The following TBXAS1 variants were observed in gnomAD, a reference collection of about 807,000 sequenced individuals.
The protein encoded by TBXAS1 is thromboxane-A synthase.
TBXAS1 carries 48 observed loss-of-function variants against 60.7 expected under a neutral mutation model. The observed-to-expected ratio is 0.79, with a 90% CI of 0.63 to 1.01. TBXAS1 has a LOEUF of 1.01. Among genes scored for constraint, TBXAS1 ranks in the 50% least tolerant of loss-of-function variants. The probability of loss-of-function intolerance (pLI) is 0.00; values close to 1 mark genes in which losing one functional copy is unlikely to be tolerated. For missense variants in TBXAS1, 685 were observed against 686.3 expected, an observed-to-expected ratio of 1.00 and a Z score of 0.02; for synonymous variants, 287 against 269.7, an observed-to-expected ratio of 1.06 and a Z score of -0.63.
intron 9 of TBXAS1, among the ~76,000 whole-genome samples, chr7:140,006,818 T>C (rs1235531416): frequency 6.6e-6 from 1 of 152,210 alleles, no homozygotes; most frequent in Non-Finnish European, 1.5e-5. Flanking sequence ...CAATAAATGC[T>C]GGCGGCTGTG....
At chr7:139,985,148 G>A (rs1181547334) in intron 9 of TBXAS1, among the ~76,000 whole-genome samples, 1 of 152,218 alleles carries the variant, frequency 6.6e-6, no homozygotes, top group East Asian at 1.9e-4. Flanking sequence ...CCAGACCAGT[G>A]TCCTCCAATT....
chr7:139,873,157 G>T (rs1355526628), intron 2 of TBXAS1, among the ~76,000 whole-genome samples: 1 of 152,192 alleles, frequency 6.6e-6, no homozygotes, highest in Non-Finnish European at 1.5e-5. Context: ...CACACCAGGT[G>T]GGTGGCACTA....
Position 140,004,977 on chromosome 7 carries a change from G to A in TBXAS1, c.1135-2114G>A, listed in dbSNP as rs1342549821. Among the ~76,000 whole-genome samples, 1 of 152,188 alleles carries A rather than the reference G, an allele frequency of 6.6e-6. No homozygotes were observed. The highest frequency in any genetic ancestry group is 1.5e-5 in the Non-Finnish European group (1 of 68,038). ...CCCTATCCTGGCCCTCTCTGTGCCT[G>A]TACCCAGGACCCTGTGAAGTGTGGA... On this transcript the variant is annotated intron_variant, in intron 9 of 12. Transcript: ENST00000448866. The surrounding 1 kb of genome is among the most constrained non-coding windows in gnomAD (Gnocchi z 5.1).
rs569970176 is a variant in TBXAS1, at chr7:139,999,262, C to T, written c.1135-7829C>T. Among the ~76,000 whole-genome samples the T allele has an allele frequency of 2.2e-4, 34 of 152,356 alleles. No individual in the cohort carries two copies. Among genetic ancestry groups the T allele is most frequent in the Middle Eastern group, 3.4e-3 (1 of 294 alleles). ...AGGGCTGGCCGGGCGCCATGGCTTA[C>T]GCCTATAATCCCAGCACTTTGGGAG... On this transcript the variant is annotated intron_variant, in intron 9 of 12. Transcript: ENST00000448866. This position sits in a 1 kb window ranked among gnomAD's most constrained non-coding sequence, Gnocchi z 4.3.
At chr7:139,798,241 C>T (rs568380143) in intron 4 of TBXAS1, among the ~76,000 whole-genome samples, 49 of 151,928 alleles carry the variant, frequency 3.2e-4, no homozygotes, top group African/African-American at 1.1e-3. Flanking sequence ...AAGAAAGAAG[C>T]CGGTGAAGCA....
chr7:139,929,584 T>C (rs973218263), intron 4 of TBXAS1, among the ~76,000 whole-genome samples: 5 of 152,222 alleles, frequency 3.3e-5, no homozygotes, highest in African/African-American at 7.2e-5. Context: ...CATACTGACA[T>C]ATTGATTCTT....
intron 12 of TBXAS1, 21 bp downstream of exon 12, chr7:140,017,854 G>A: frequency 6.2e-7 from 1 of 1,613,808 alleles, no homozygotes; most frequent in Non-Finnish European, 8.5e-7. Context: ...CCTGCTCAGA[G>A]GCAGGGGCAG....
intron 7 of TBXAS1, among the ~76,000 whole-genome samples, chr7:139,957,321 A>G (rs997693903): frequency 6.6e-6 from 1 of 152,204 alleles, no homozygotes; most frequent in African/African-American, 2.4e-5. Context: ...AAAGACCTTC[A>G]GGTCTCATCC....
intron 4 of TBXAS1, among the ~76,000 whole-genome samples, chr7:139,821,735 A>G (rs12532701): frequency 0.38 from 58,519 of 152,032 alleles, 11,928 homozygotes; most frequent in South Asian, 0.69. Flanking sequence ...GTCTTCTTCC[A>G]CGTCTCAGCC....
At chr7:139,934,553 A>G (rs962915629) in intron 4 of TBXAS1, among the ~76,000 whole-genome samples, 1 of 152,220 alleles carries the variant, frequency 6.6e-6, no homozygotes, top group Admixed American at 6.5e-5. Context: ...TTGCTAGGCT[A>G]CTATACCAAC....
At chr7:139,820,651 G>T (rs193005561) in intron 4 of TBXAS1, among the ~76,000 whole-genome samples, 7 of 152,232 alleles carry the variant, frequency 4.6e-5, no homozygotes, top group African/African-American at 1.7e-4. Flanking sequence ...CCTTTTGGAA[G>T]GAAGTAGTGC....
At chr7:139,836,922 G>A (rs1395332161) in intron 1 of TBXAS1, among the ~76,000 whole-genome samples, 1 of 152,078 alleles carries the variant, frequency 6.6e-6, no homozygotes, top group Non-Finnish European at 1.5e-5. Flanking sequence ...ATCTGACCAA[G>A]GACTCACATT....
chr7:139,933,207 G>A (rs1172652471), intron 4 of TBXAS1, among the ~76,000 whole-genome samples: 1 of 152,180 alleles, frequency 6.6e-6, no homozygotes, highest in African/African-American at 2.4e-5. Context: ...GATATGTGAA[G>A]GCCATGCTGA....
At chr7:139,964,056 T>C (rs146498610) in intron 9 of TBXAS1, among the ~76,000 whole-genome samples, 1 of 152,296 alleles carries the variant, frequency 6.6e-6, no homozygotes, top group Non-Finnish European at 1.5e-5. Flanking sequence ...AGGGTCACTC[T>C]GACGGGAATG....
At chr7:139,851,146 A>G (rs1340240882) in intron 1 of TBXAS1, among the ~76,000 whole-genome samples, 2 of 152,004 alleles carry the variant, frequency 1.3e-5, no homozygotes, top group Non-Finnish European at 2.9e-5. Context: ...TCTTGACCTA[A>G]CTCTTAGCAA....
At chr7:139,977,346 A>T (rs1569521574) in intron 9 of TBXAS1, among the ~76,000 whole-genome samples, 1 of 152,106 alleles carries the variant, frequency 6.6e-6, no homozygotes, top group Non-Finnish European at 1.5e-5. Context: ...TTGCAGGGAA[A>T]CTTCCTTTTT....
At chr7:139,840,312 T>A (rs1306949947) in intron 1 of TBXAS1, among the ~76,000 whole-genome samples, 1 of 151,872 alleles carries the variant, frequency 6.6e-6, no homozygotes, top group African/African-American at 2.4e-5. Context: ...CAATGGGAGG[T>A]GAGCTCCGGA....
chr7:139,857,906 A>T (rs1033849917), intron 1 of TBXAS1, among the ~76,000 whole-genome samples: 22 of 151,180 alleles, frequency 1.5e-4, no homozygotes, highest in Non-Finnish European at 2.2e-4. Flanking sequence ...ATTTTTAAAA[A>T]TTTTTTTTGT....
At chr7:139,967,643 T>G (rs1319890947) in intron 9 of TBXAS1, among the ~76,000 whole-genome samples, 1 of 152,188 alleles carries the variant, frequency 6.6e-6, no homozygotes, top group African/African-American at 2.4e-5. Context: ...GGCTTAGACT[T>G]GGGTCATGTG....
Sources: gnomAD v4.1 joint callset for allele counts (sites outside exome capture counted in the v4.1 genomes callset) on GRCh38, gnomAD v4.1.1 for gene constraint, Gnocchi (gnomAD v3.1) non-coding constraint, MANE v1.5 for transcripts, NCBI Gene and HGNC (gene_info 2026-07-23, HGNC 2026-07-21) for gene names.